Variants in GRID1 observed in about 807,000 individuals in gnomAD.
The protein encoded by GRID1 is glutamate receptor ionotropic, delta-1.
A neutral mutation model predicts 98.0 loss-of-function variants in GRID1; 28 were observed. That is an observed-to-expected ratio of 0.29 (90% CI 0.21 to 0.39). The LOEUF is 0.39. GRID1 is among the 10% of genes least tolerant of loss of function. The probability of loss-of-function intolerance (pLI) is 1.00; values close to 1 mark genes in which losing one functional copy is unlikely to be tolerated. For missense variants in GRID1, 1,111 were observed against 1,340.5 expected, an observed-to-expected ratio of 0.83 and a Z score of 2.67; for synonymous variants, 553 against 538.5, an observed-to-expected ratio of 1.03 and a Z score of -0.37.
chr10:85,870,613 A>G (rs1242532032), intron 5 of GRID1, among the ~76,000 whole-genome samples: 1 of 152,256 alleles, frequency 6.6e-6, no homozygotes. Context: ...GGCAGGGCAC[A>G]GTTGCAGTTG....
intron 4 of GRID1, among the ~76,000 whole-genome samples, chr10:86,121,890 T>C (rs1362403984): frequency 6.6e-6 from 1 of 152,222 alleles, no homozygotes; most frequent in Non-Finnish European, 1.5e-5. Flanking sequence ...CTCCAAAGGC[T>C]AGATATGCTC....
intron 8 of GRID1, among the ~76,000 whole-genome samples, chr10:85,787,050 C>T (rs1215602202): frequency 2.0e-5 from 3 of 152,242 alleles, no homozygotes; most frequent in African/African-American, 7.2e-5. Context: ...CCATCAATGC[C>T]TTGCAGCCCT....
intron 8 of GRID1, among the ~76,000 whole-genome samples, chr10:85,803,998 C>G (rs1842599844): frequency 1.3e-5 from 2 of 149,910 alleles, no homozygotes. Context: ...CTAAGAAGAA[C>G]AAAGTAAGCA....
intron 8 of GRID1, among the ~76,000 whole-genome samples, chr10:85,740,355 G>A (rs1841928156): frequency 6.6e-6 from 1 of 152,094 alleles, no homozygotes; most frequent in Non-Finnish European, 1.5e-5. Context: ...TTATGCTCAG[G>A]CTCATACTAG....
intron 12 of GRID1, among the ~76,000 whole-genome samples, chr10:85,683,831 T>G (rs1263679090): frequency 1.3e-5 from 2 of 152,208 alleles, no homozygotes; most frequent in Non-Finnish European, 1.5e-5. Context: ...CAACACACTC[T>G]TACAGATAAT....
chr10:85,735,781 G>A (rs1841873661), intron 8 of GRID1, among the ~76,000 whole-genome samples: 1 of 151,666 alleles, frequency 6.6e-6, no homozygotes, highest in Admixed American at 6.6e-5. Flanking sequence ...TCCTGCGAAG[G>A]GAAGGAGAGA....
chr10:86,108,739 A>T (rs1325771338), intron 4 of GRID1, among the ~76,000 whole-genome samples: 1 of 152,132 alleles, frequency 6.6e-6, no homozygotes, highest in Non-Finnish European at 1.5e-5. Context: ...TGCAGGTCCT[A>T]TGTTTAACAA....
At chr10:86,308,597 T>A (rs958562828) in intron 2 of GRID1, among the ~76,000 whole-genome samples, 1 of 152,202 alleles carries the variant, frequency 6.6e-6, no homozygotes, top group South Asian at 2.1e-4. Context: ...GGGAAGTATG[T>A]TAAATACACT....
intron 2 of GRID1, among the ~76,000 whole-genome samples, chr10:86,338,578 G>T (rs974108160): frequency 2.2e-4 from 33 of 152,146 alleles, no homozygotes; most frequent in Non-Finnish European, 3.7e-4. Context: ...CCCAGGGGAG[G>T]GGGGAGTCTC....
chr10:86,069,400 G>A (rs1295223758), intron 4 of GRID1, among the ~76,000 whole-genome samples: 1 of 152,208 alleles, frequency 6.6e-6, no homozygotes, highest in African/African-American at 2.4e-5. Context: ...TGTAATCCCA[G>A]CACTTTGGGA....
At chr10:86,191,446 A>C (rs1046486684) in intron 3 of GRID1, among the ~76,000 whole-genome samples, 2 of 151,970 alleles carry the variant, frequency 1.3e-5, no homozygotes, top group African/African-American at 4.8e-5. Flanking sequence ...TGGGGAGTGC[A>C]GATTGCAGTC....
At chr10:85,974,590 G>A (rs1196581638) in intron 4 of GRID1, among the ~76,000 whole-genome samples, 1 of 152,152 alleles carries the variant, frequency 6.6e-6, no homozygotes, top group Non-Finnish European at 1.5e-5. Context: ...CATCTGTCAA[G>A]CAAATAAATA....
chr10:86,351,931 T>C (rs898711228), intron 2 of GRID1, among the ~76,000 whole-genome samples: 17 of 152,226 alleles, frequency 1.1e-4, no homozygotes, highest in African/African-American at 4.1e-4. Flanking sequence ...ATCCCAAGTG[T>C]ACAGGAAGGA....
intron 4 of GRID1, among the ~76,000 whole-genome samples, chr10:86,135,441 G>A (rs982190147): frequency 6.0e-5 from 9 of 150,174 alleles, no homozygotes; most frequent in African/African-American, 1.2e-4. Flanking sequence ...CCTGGGATCC[G>A]GAGACCTGAG....
intron 5 of GRID1, among the ~76,000 whole-genome samples, chr10:85,900,405 A>G (rs1841365038): frequency 6.6e-6 from 1 of 152,236 alleles, no homozygotes; most frequent in East Asian, 1.9e-4. Context: ...GCTGGAAGAC[A>G]GATGGATAGG....
intron 12 of GRID1, among the ~76,000 whole-genome samples, chr10:85,717,413 C>T (rs60020182): frequency 0.098 from 14,928 of 151,952 alleles, 796 homozygotes; most frequent in African/African-American, 0.15. Context: ...TCTTACATGG[C>T]GTAGGCAAGA....
At chr10:86,300,666 T>C (rs546991593) in intron 2 of GRID1, among the ~76,000 whole-genome samples, 5 of 152,062 alleles carry the variant, frequency 3.3e-5, no homozygotes, top group Admixed American at 6.5e-5. Context: ...CAGCTTCTTC[T>C]AGGTCCACCT....
At chr10:85,906,388 C>T (rs2131818851) in intron 5 of GRID1, among the ~76,000 whole-genome samples, 1 of 152,252 alleles carries the variant, frequency 6.6e-6, no homozygotes, top group Non-Finnish European at 1.5e-5. Context: ...GCGCAATCAA[C>T]ACTCAACTAA....
At position 86,011,101 on chromosome 10, in the gene GRID1, G is replaced by T. The variant is rs1485511395; in HGVS notation, c.727-94862C>A. ...AGAGATGGTCAAAATGAAAATGTGA[G>T]GATTACTTAATAGCCGATTGCAATA... On this transcript the variant is annotated intron_variant, in intron 4 of 15. Transcript: ENST00000327946. 2.0e-5 allele frequency among the ~76,000 whole-genome samples: 3 copies of T among 152,160 alleles called. 1 individual carries two copies. Among genetic ancestry groups the T allele is most frequent in the Non-Finnish European group, 4.4e-5 (3 of 68,022 alleles).
Sources: allele counts gnomAD v4.1 joint callset (sites outside exome capture counted in the v4.1 genomes callset), GRCh38; gene constraint gnomAD v4.1.1; transcripts MANE v1.5; gene names NCBI Gene and HGNC (gene_info 2026-07-23, HGNC 2026-07-21).